Variants in DIO1 observed in about 807,000 individuals in gnomAD.
DIO1 encodes the protein iodothyronine deiodinase 1.
Under a neutral mutation model 25.9 loss-of-function variants are expected in DIO1, and 17 were observed. The ratio of observed to expected loss-of-function variants is 0.66; its 90% CI spans 0.45 to 0.98. The LOEUF (loss-of-function observed/expected upper bound fraction) is 0.98, where lower values mean the gene tolerates loss of function less well. Among genes scored for constraint, DIO1 ranks in the 50% least tolerant of loss-of-function variants. DIO1 has a pLI of 0.00. For missense variants in DIO1, 270 were observed against 310.4 expected (o/e 0.87, Z 0.98); for synonymous variants, 115 against 114.0 (o/e 1.01, Z -0.05).
intron 2 of DIO1, 83 bp from the exon 3 acceptor site, chr1:53,906,012 T>A (rs1388042446): frequency 7.5e-7 from 1 of 1,332,536 alleles, no homozygotes. Flanking sequence ...TCTGAGAACC[T>A]CAGTTAAAAG....
Position 53,910,038 on chromosome 1 carries a change from G to A in DIO1, c.*39G>A. The A allele has an allele frequency of 5.8e-6, 9 of 1,560,990 alleles. No individual in the cohort carries two copies. Among genetic ancestry groups the A allele is most frequent in the Non-Finnish European group, 8.0e-6 (9 of 1,131,714 alleles). On this transcript the variant is annotated 3_prime_UTR_variant, in exon 4 of 4. Transcript: ENST00000361921. ...CTCAATTCTAGGTGACCAACGGGAG[G>A]GCTTCTCAAGGCTTAGCTCTCCCTG...
intron 1 of DIO1, among the ~76,000 whole-genome samples, chr1:53,901,839 T>C (rs561620934): frequency 4.1e-4 from 62 of 150,592 alleles, no homozygotes; most frequent in Admixed American, 6.0e-4. Context: ...TGTATTATGA[T>C]GGCACCTGTG....
chr1:53,906,341 G>C (rs755100193), intron 3 of DIO1, 47 bp downstream of exon 3: 1 of 1,520,756 alleles, frequency 6.6e-7, no homozygotes, highest in Admixed American at 1.9e-5. Context: ...AGGGGCCCAG[G>C]GAGGGCAAGG....
chr1:53,900,982 C>CTTTT lies in DIO1; in HGVS notation c.338-3658_338-3655dup, dbSNP rs71063891. The stretch of plus-strand genomic sequence containing the variant: ...GGCACACCCTACCAGGGCCAGCTAA[C>CTTTT]TTTTTTTTTTTTTTTTTTTTTTTTT... On this transcript the variant is annotated intron_variant, in intron 1 of 3. Coordinates refer to ENST00000361921, the MANE Select transcript of DIO1 (RefSeq NM_000792.7). 5.3e-4 allele frequency among the ~76,000 whole-genome samples: 38 copies of CTTTT among 72,102 alleles called. 5 individuals carry two copies. The highest frequency in any genetic ancestry group is 8.3e-4 in the Admixed American group (4 of 4,802). The allele number at this position is 72,102 out of a possible 152,430, so 47.3% of individuals were successfully genotyped here.
intron 3 of DIO1, among the ~76,000 whole-genome samples, chr1:53,908,892 G>A (rs1047081315): frequency 6.6e-6 from 1 of 152,126 alleles, no homozygotes; most frequent in Admixed American, 6.5e-5. Flanking sequence ...AGGAGTTCAA[G>A]ACCAGCTTGG....
At chr1:53,904,876 C>T (rs1651569659) in intron 2 of DIO1, 67 bp downstream of exon 2, 2 of 1,532,344 alleles carry the variant, frequency 1.3e-6, no homozygotes, top group East Asian at 4.6e-5. Flanking sequence ...TTTCCCCAGG[C>T]CCCATCTCAA....
intron 1 of DIO1, among the ~76,000 whole-genome samples, chr1:53,895,960 A>G (rs1651050469): frequency 6.6e-6 from 1 of 152,022 alleles, no homozygotes. Flanking sequence ...ACAGCTAGGC[A>G]TGTGCTCTCT....
At chr1:53,895,114 G>A (rs1481497268) in intron 1 of DIO1, among the ~76,000 whole-genome samples, 1 of 152,176 alleles carries the variant, frequency 6.6e-6, no homozygotes, top group Admixed American at 6.5e-5. Flanking sequence ...CATGGTAGCT[G>A]CTCAGTAAAT....
chr1:53,898,744 C>CAA lies in DIO1; in HGVS notation c.337+4215_337+4216dup, dbSNP rs60469690. Reference sequence around the variant, plus strand: ...TGGGCAACAAAGCGAGACTCTGTCTCAAAAAAAAAAAAAAAAAAAGAGACA... The same window carrying CAA: ...TGGGCAACAAAGCGAGACTCTGTCTCAAAAAAAAAAAAAAAAAAAAAGAGACA... On this transcript the variant is annotated intron_variant, in intron 1 of 3. Transcript: ENST00000361921. 5.0e-3 allele frequency among the ~76,000 whole-genome samples: 535 copies of CAA among 106,450 alleles called. 15 individuals carry two copies. Among genetic ancestry groups the CAA allele is most frequent in the East Asian group, 0.031 (120 of 3,896 alleles). 69.8% of individuals were successfully genotyped at this position (106,450 alleles called of 152,430 possible).
At chr1:53,897,296 T>G (rs145663713) in intron 1 of DIO1, among the ~76,000 whole-genome samples, 3 of 152,202 alleles carry the variant, frequency 2.0e-5, no homozygotes, top group African/African-American at 7.2e-5. Context: ...GCCAACATGA[T>G]GAAACCTCGT....
chr1:53,902,077 G>A (rs1569715676), intron 1 of DIO1, among the ~76,000 whole-genome samples: 1 of 149,690 alleles, frequency 6.7e-6, no homozygotes, highest in Non-Finnish European at 1.5e-5. Context: ...TCTCTATGCC[G>A]GGTTCCTGCC....
chr1:53,909,910 C>T lies in DIO1; in HGVS notation c.682-21C>T, dbSNP rs1651861361. The T allele has an allele frequency of 1.9e-6, 3 of 1,613,130 alleles. No individual in the cohort carries two copies. The African/African-American group carries it at 4.0e-5, about 22-fold the overall frequency. ...TGGAAATCCTTACAAGTTGGGAATG[C>T]CTGATTCGTTTCTCTTGCAGGGTAA... On this transcript the variant is annotated intron_variant, in intron 3 of 3. Coordinates refer to ENST00000361921, the MANE Select transcript of DIO1 (RefSeq NM_000792.7).
At chr1:53,901,614 G>A (rs538239661) in intron 1 of DIO1, among the ~76,000 whole-genome samples, 11 of 152,286 alleles carry the variant, frequency 7.2e-5, no homozygotes, top group East Asian at 5.8e-4. Context: ...GGCAGAGTGC[G>A]AACCTGGCCC....
chr1:53,910,191 A>T lies in DIO1; in HGVS notation c.*192A>T, dbSNP rs768203690. 1 of 591,442 alleles carries T rather than the reference A, an allele frequency of 1.7e-6. No individual in the cohort carries two copies. The highest frequency in any genetic ancestry group is 3.0e-6 in the Non-Finnish European group (1 of 331,028). 36.6% of individuals were successfully genotyped at this position (591,442 alleles called of 1,614,324 possible). On this transcript the variant is annotated 3_prime_UTR_variant, in exon 4 of 4. Coordinates refer to ENST00000361921, the MANE Select transcript of DIO1 (RefSeq NM_000792.7). ...CAGCACCCAATCAAGACAAATTGTT[A>T]TTATCAGAAAATGAAGCAACACTTG...
intron 3 of DIO1, among the ~76,000 whole-genome samples, chr1:53,907,913 GAA>G (rs34264508): frequency 4.3e-5 from 2 of 46,776 alleles, no homozygotes; most frequent in South Asian, 6.1e-4. Flanking sequence ...CTCTGTCTCG[GAA>G]AAAAAAAAAA....
In DIO1 at chr1:53,894,362, C is replaced by T. The variant is rs1298106966; in HGVS notation, c.152C>T (p.Thr51Ile). 6.2e-7 allele frequency: 1 copy of T among 1,614,090 alleles called. No homozygotes were observed. The highest frequency in any genetic ancestry group is 8.5e-7 in the Non-Finnish European group (1 of 1,180,052). Residue 51 changes from threonine to isoleucine, a missense_variant, in exon 1 of 4, where the codon ACC becomes ATC. Physicochemically the swap from Thr to Ile is moderately conservative, Grantham distance 89. Coordinates refer to ENST00000361921, the MANE Select transcript of DIO1 (RefSeq NM_000792.7). The surrounding 1 kb of genome is among the most constrained non-coding windows in gnomAD (Gnocchi z 4.9). ...GCCATGGGCGAGAAGACGGGTATGACCAGGAACCCCCATTTCAGCCACGAC... is the reference window on the plus strand; with the variant it reads ...GCCATGGGCGAGAAGACGGGTATGATCAGGAACCCCCATTTCAGCCACGAC... ...ILAMGEKTGM[T>I]RNPHFSHDNW...
At chr1:53,905,960 A>T (rs1402275797) in intron 2 of DIO1, 135 bp from the exon 3 acceptor site, 1 of 773,818 alleles carries the variant, frequency 1.3e-6, no homozygotes, top group Admixed American at 2.6e-5. Context: ...TTGCACATTC[A>T]ACCATAATGG....
chr1:53,894,531 T>C lies in DIO1; in HGVS notation c.321T>C (p.Ile107=), dbSNP rs1190860051. 6.2e-7 allele frequency: 1 copy of C among 1,613,724 alleles called. No homozygotes were observed. Among genetic ancestry groups the C allele is most frequent in the Non-Finnish European group, 8.5e-7 (1 of 1,179,798 alleles). ...VVRLSGQRCN[I]WEFMQGNRPL... Reference sequence around the variant, plus strand: ...GCCTCTCAGGACAGAGGTGCAACATTTGGGAGTTTATGCAAGGTCAGGAGG... The same window carrying C: ...GCCTCTCAGGACAGAGGTGCAACATCTGGGAGTTTATGCAAGGTCAGGAGG... The change falls in exon 1 of 4, where the codon ATT becomes ATC. Residue 107 remains isoleucine (I), a synonymous_variant. Coordinates refer to ENST00000361921, the MANE Select transcript of DIO1 (RefSeq NM_000792.7). The surrounding 1 kb of genome is among the most constrained non-coding windows in gnomAD (Gnocchi z 4.9).
In DIO1 at chr1:53,909,486, G is replaced by A. The variant is rs533860933; in HGVS notation, c.682-445G>A. On this transcript the variant is annotated intron_variant, in intron 3 of 3. Coordinates refer to ENST00000361921, the MANE Select transcript of DIO1 (RefSeq NM_000792.7). ...CAGGAGGGAGCAGGGACTAAGGACT[G>A]GGGATAGCTGGGAGGGGTGGCAGCT... 7.9e-5 allele frequency among the ~76,000 whole-genome samples: 12 copies of A among 152,256 alleles called. No individual in the cohort carries two copies. In the South Asian group the frequency reaches 2.5e-3, roughly 32 times the overall value.
Sources: gnomAD v4.1 joint callset for allele counts (sites outside exome capture counted in the v4.1 genomes callset) on GRCh38, gnomAD v4.1.1 for gene constraint, Gnocchi (gnomAD v3.1) non-coding constraint, MANE v1.5 for transcripts, NCBI Gene and HGNC (gene_info 2026-07-23, HGNC 2026-07-21) for gene names.